Variants in DPYD observed in about 807,000 individuals in gnomAD.
The protein encoded by DPYD is dihydropyrimidine dehydrogenase.
DPYD carries 109 observed loss-of-function variants against 116.2 expected under a neutral mutation model. The observed-to-expected ratio is 0.94, with a 90% confidence interval of 0.80 to 1.10. The LOEUF (loss-of-function observed/expected upper bound fraction) is 1.10. Ranked by LOEUF, DPYD falls within the 50% of genes least tolerant of loss-of-function variation. The pLI is 0.00. For synonymous variants in DPYD, 440 were observed against 432.0 expected (o/e 1.02, Z -0.23); for missense variants, 1,302 against 1,254.5 (o/e 1.04, Z -0.57).
chr1:97,549,837 T>A, intron 11 of DPYD, 93 bp from the exon 12 acceptor site: 1 of 1,181,492 alleles, frequency 8.5e-7, no homozygotes, highest in Non-Finnish European at 1.2e-6. Flanking sequence ...ATGGTTTAAT[T>A]ATTGTTCCAG....
chr1:97,303,452 C>T (rs1205325417), intron 18 of DPYD, among the ~76,000 whole-genome samples: 1 of 151,958 alleles, frequency 6.6e-6, no homozygotes, highest in African/African-American at 2.4e-5. Context: ...ATATTTGATA[C>T]AACTCTCGTA....
At chr1:97,900,115 T>A (rs554395768) in intron 1 of DPYD, among the ~76,000 whole-genome samples, 13 of 151,914 alleles carry the variant, frequency 8.6e-5, no homozygotes, top group Non-Finnish European at 1.6e-4. Flanking sequence ...TTAAGGAGTC[T>A]CATTAAAGGG....
At chr1:97,917,755 A>G (rs1350895443) in intron 1 of DPYD, among the ~76,000 whole-genome samples, 2 of 152,208 alleles carry the variant, frequency 1.3e-5, no homozygotes, top group East Asian at 3.8e-4. Context: ...AAGTACTAGT[A>G]TTCAAATAGT....
intron 12 of DPYD, among the ~76,000 whole-genome samples, chr1:97,524,018 A>G (rs1648875676): frequency 6.6e-6 from 1 of 151,766 alleles, no homozygotes; most frequent in Non-Finnish European, 1.5e-5. Context: ...ATTATTTTAA[A>G]CTAAAAAAAA....
At chr1:97,251,105 A>T (rs575558303) in intron 18 of DPYD, among the ~76,000 whole-genome samples, 2 of 152,222 alleles carry the variant, frequency 1.3e-5, no homozygotes, top group African/African-American at 4.8e-5. Flanking sequence ...CAAATAGAAA[A>T]TGAATCTGTG....
intron 19 of DPYD, among the ~76,000 whole-genome samples, chr1:97,229,809 T>G (rs1661467631): frequency 6.6e-6 from 1 of 151,954 alleles, no homozygotes; most frequent in Non-Finnish European, 1.5e-5. Context: ...TGTGTGAAAC[T>G]TTACATTTTT....
intron 5 of DPYD, among the ~76,000 whole-genome samples, chr1:97,714,067 C>A (rs1662457169): frequency 6.6e-6 from 1 of 152,018 alleles, no homozygotes; most frequent in African/African-American, 2.4e-5. Context: ...ATCAGTTTGT[C>A]AAACTGTATC....
rs532801109 is a variant in DPYD at position 97,885,716 on chromosome 1, T to C, written c.40-2342A>G. 3.4e-4 allele frequency among the ~76,000 whole-genome samples: 52 copies of C among 152,198 alleles called. 1 individual carries two copies. Among genetic ancestry groups the C allele is most frequent in the African/African-American group, 9.9e-4 (41 of 41,568 alleles). The stretch of plus-strand genomic sequence containing the variant: ...AATTGAGGGTGATTAAGTAACCTGC[T>C]TAAGATCTCACAGTTAATATGCAAA... On this transcript the variant is annotated intron_variant, in intron 1 of 22. Coordinates refer to ENST00000370192, the MANE Select transcript of DPYD (RefSeq NM_000110.4).
intron 20 of DPYD, among the ~76,000 whole-genome samples, chr1:97,130,159 T>G (rs1653164574): frequency 6.6e-6 from 1 of 152,228 alleles, no homozygotes; most frequent in Non-Finnish European, 1.5e-5. Flanking sequence ...TTCTGAATTC[T>G]CTAAATTTTA....
chr1:97,681,205 A>G (rs1019949876), intron 7 of DPYD, among the ~76,000 whole-genome samples: 5 of 152,156 alleles, frequency 3.3e-5, no homozygotes. Context: ...AGTCAAATAC[A>G]TAGTCTAATT....
At chr1:97,777,169 A>G (rs1356851139) in intron 3 of DPYD, among the ~76,000 whole-genome samples, 1 of 152,184 alleles carries the variant, frequency 6.6e-6, no homozygotes, top group African/African-American at 2.4e-5. Flanking sequence ...TAAAAATTTT[A>G]AATGTTTCGC....
chr1:97,849,767 T>A (rs1005929882), intron 2 of DPYD, among the ~76,000 whole-genome samples: 1 of 152,232 alleles, frequency 6.6e-6, no homozygotes, highest in Non-Finnish European at 1.5e-5. Flanking sequence ...ATCAGTTCTA[T>A]CTTTATTTCT....
chr1:97,300,201 A>T (rs1666777925), intron 18 of DPYD, among the ~76,000 whole-genome samples: 2 of 152,158 alleles, frequency 1.3e-5, no homozygotes, highest in Non-Finnish European at 2.9e-5. Flanking sequence ...TCCATACAAA[A>T]AAAGGAAAAA....
chr1:97,381,588 A>G lies in DPYD; in HGVS notation c.1974+805T>C, dbSNP rs369346587. 2.2e-4 allele frequency among the ~76,000 whole-genome samples: 33 copies of G among 152,284 alleles called. 1 individual carries two copies. The South Asian group carries it at 6.2e-3, about 29-fold the overall frequency. On this transcript the variant is annotated intron_variant, in intron 15 of 22. Coordinates refer to ENST00000370192, the MANE Select transcript of DPYD (RefSeq NM_000110.4). ...GTAATTTTTCCCTTCTCAGTTTTAA[A>G]ATATCCAAATAAAATGTATAATCAA...
intron 16 of DPYD, among the ~76,000 whole-genome samples, chr1:97,311,209 A>T (rs1667495855): frequency 6.6e-6 from 1 of 151,822 alleles, no homozygotes. Context: ...TAATATATTT[A>T]AAAACATTGT....
At chr1:97,773,429 G>A (rs910957161) in intron 3 of DPYD, among the ~76,000 whole-genome samples, 2 of 152,200 alleles carry the variant, frequency 1.3e-5, no homozygotes, top group Non-Finnish European at 2.9e-5. Context: ...TGTCCCCGGT[G>A]AGGGTTCTAC....
At chr1:97,669,055 A>G (rs1659718142) in intron 8 of DPYD, among the ~76,000 whole-genome samples, 1 of 151,378 alleles carries the variant, frequency 6.6e-6, no homozygotes, top group Non-Finnish European at 1.5e-5. Flanking sequence ...AGCAAAATGA[A>G]CATCTGTTAA....
At chr1:97,464,282 A>C (rs201594062) in intron 13 of DPYD, among the ~76,000 whole-genome samples, 2 of 108,860 alleles carry the variant, frequency 1.8e-5, no homozygotes, top group African/African-American at 6.3e-5. Context: ...ATAAAATAAA[A>C]TAAAGAAAAG....
chr1:97,573,875 A>G lies in DPYD; in HGVS notation c.1224T>C (p.Phe408=), dbSNP rs1191735359. 3 of 1,613,574 alleles carry G rather than the reference A, an allele frequency of 1.9e-6. No individual in the cohort carries two copies. The highest frequency in any genetic ancestry group is 2.7e-5 in the African/African-American group (2 of 74,888). ...VKGGRIVAMQ[F]VRTEQDETGK... is the part of the protein sequence containing the mutation. ...CAGTTTCATCTTGCTCTGTCCGAAC[A>G]AACTGCATAGCAACAATTCTCCCAC... Residue 408 remains phenylalanine (F), a synonymous_variant, in exon 11 of 23, where the codon TTT becomes TTC. Coordinates refer to ENST00000370192, the MANE Select transcript of DPYD (RefSeq NM_000110.4).
Sources: allele counts gnomAD v4.1 joint callset (sites outside exome capture counted in the v4.1 genomes callset), GRCh38; gene constraint gnomAD v4.1.1; transcripts MANE v1.5; gene names NCBI Gene and HGNC (gene_info 2026-07-23, HGNC 2026-07-21).